WDR11: variants seen among roughly 807,000 people sequenced by gnomAD.
WDR11 encodes WD repeat domain 11, also known as WD repeat-containing protein 11.
In WDR11, 83 loss-of-function variants were observed where a neutral mutation model predicts 151.2. The ratio of observed to expected loss-of-function variants is 0.55; its 90% CI spans 0.46 to 0.66. The LOEUF (loss-of-function observed/expected upper bound fraction) is 0.66, where lower values mean the gene tolerates loss of function less well. Ranked by LOEUF, WDR11 falls within the 30% of genes least tolerant of loss-of-function variation. The probability of loss-of-function intolerance (pLI) is 0.00; values close to 1 mark genes in which losing one functional copy is unlikely to be tolerated. For missense variants in WDR11, 1,301 were observed against 1,480.9 expected (o/e 0.88, Z 1.99); for synonymous variants, 484 against 533.1 (o/e 0.91, Z 1.27).
At chr10:120,871,617 C>G (rs1846546537) in intron 10 of WDR11, among the ~76,000 whole-genome samples, 1 of 152,154 alleles carries the variant, frequency 6.6e-6, no homozygotes, top group Admixed American at 6.5e-5. Context: ...CTCGGAAATA[C>G]CAGGAGGCTC....
intron 28 of WDR11, 110 bp from the exon 29 acceptor site, chr10:120,908,446 C>T: frequency 2.5e-6 from 3 of 1,194,096 alleles, no homozygotes; most frequent in Non-Finnish European, 3.7e-6. Flanking sequence ...CACCAGGTCC[C>T]TTCCGAGCAG....
In WDR11 at chr10:120,858,693, C is replaced by T. The variant is rs778348520; in HGVS notation, c.249C>T (p.Cys83=). The T allele has an allele frequency of 1.9e-6, 3 of 1,614,188 alleles. No homozygotes were observed. The highest frequency in any genetic ancestry group is 1.7e-6 in the Non-Finnish European group (2 of 1,180,028). The change falls in exon 3 of 29, where the codon TGC becomes TGT. Residue 83 remains cysteine (C), a synonymous_variant. Transcript: ENST00000263461. ...ACCATAACATTGGCTCACCATATTGCTTACGGTTAGCTTCTGCTGATGTCA... is the reference window on the plus strand; with the variant it reads ...ACCATAACATTGGCTCACCATATTGTTTACGGTTAGCTTCTGCTGATGTCA... ...NYHHNIGSPY[C]LRLASADVNG...
chr10:120,898,121 T>C (rs1847679982), intron 19 of WDR11, among the ~76,000 whole-genome samples: 1 of 152,210 alleles, frequency 6.6e-6, no homozygotes, highest in Non-Finnish European at 1.5e-5. Flanking sequence ...AATTAAAATT[T>C]TATTTAAGCC....
chr10:120,892,518 C>A (rs1401726002), intron 19 of WDR11, among the ~76,000 whole-genome samples: 1 of 152,072 alleles, frequency 6.6e-6, no homozygotes, highest in Non-Finnish European at 1.5e-5. Flanking sequence ...AGATTCATGG[C>A]CGATTTGGTC....
At chr10:120,895,202 T>G (rs1847568288) in intron 19 of WDR11, among the ~76,000 whole-genome samples, 1 of 151,792 alleles carries the variant, frequency 6.6e-6, no homozygotes, top group South Asian at 2.1e-4. Context: ...TTATGTATAG[T>G]TAATTTTTTT....
At chr10:120,901,183 AAG>A in intron 21 of WDR11, 85 bp downstream of exon 21, 1 of 1,244,336 alleles carries the variant, frequency 8.0e-7, no homozygotes, top group Non-Finnish European at 1.2e-6. Context: ...AAATTAAAAT[AAG>A]TTACGTTTTA....
At chr10:120,906,378 C>T (rs1848046255) in intron 27 of WDR11, 3 of 1,246,920 alleles carry the variant, frequency 2.4e-6, no homozygotes, top group South Asian at 3.4e-5. Context: ...GAGGTGGAGA[C>T]ATCCCGTCTG....
chr10:120,878,254 A>C (rs1295596424), intron 11 of WDR11, 99 bp from the exon 12 acceptor site: 1 of 870,224 alleles, frequency 1.1e-6, no homozygotes, highest in South Asian at 1.6e-5. Flanking sequence ...TAATTTGTGT[A>C]ATAAAATTTA....
chr10:120,878,552 A>T (rs1554855722), intron 12 of WDR11, 93 bp downstream of exon 12: 5 of 980,178 alleles, frequency 5.1e-6, no homozygotes, highest in African/African-American at 1.6e-5. Flanking sequence ...TCACCTTGGA[A>T]TTTTTTTTTA....
At chr10:120,887,936 T>G (rs980841638) in intron 16 of WDR11, among the ~76,000 whole-genome samples, 9 of 151,654 alleles carry the variant, frequency 5.9e-5, no homozygotes, top group Non-Finnish European at 1.0e-4. Flanking sequence ...TTCTTTAATA[T>G]TTTTTTTTAT....
chr10:120,858,897 A>G (rs780042827), intron 3 of WDR11, 101 bp downstream of exon 3: 10 of 1,425,528 alleles, frequency 7.0e-6, no homozygotes, highest in Non-Finnish European at 9.7e-6. Context: ...AATTTTATCA[A>G]TTCCAAGTTA....
intron 28 of WDR11, chr10:120,908,153 T>C (rs1848139046): frequency 8.2e-6 from 2 of 244,680 alleles, no homozygotes; most frequent in South Asian, 1.2e-4. Context: ...ATAGGGAACA[T>C]TCAGAAATAA....
intron 10 of WDR11, among the ~76,000 whole-genome samples, chr10:120,873,155 G>A (rs1393974340): frequency 6.6e-6 from 1 of 152,164 alleles, no homozygotes; most frequent in African/African-American, 2.4e-5. Context: ...AATACTAATA[G>A]TTAACCAAGT....
chr10:120,907,860 T>C (rs1848123915), intron 28 of WDR11: 1 of 150,550 alleles, frequency 6.6e-6, no homozygotes, highest in Non-Finnish European at 1.5e-5. Flanking sequence ...CCCAGGCTGG[T>C]CTTGAACTCC....
intron 22 of WDR11, 138 bp from the exon 23 acceptor site, chr10:120,902,917 C>CT: frequency 1.1e-6 from 1 of 909,780 alleles, no homozygotes; most frequent in Non-Finnish European, 1.7e-6. Context: ...CTGCCTCCCC[C>CT]TTTCACCCTG....
chr10:120,883,645 C>T, intron 13 of WDR11, 135 bp from the exon 14 acceptor site: 1 of 713,880 alleles, frequency 1.4e-6, no homozygotes, highest in Admixed American at 2.1e-5. Context: ...AATCATGGTG[C>T]TAAATGGTAG....
intron 24 of WDR11, among the ~76,000 whole-genome samples, chr10:120,904,443 C>T (rs1847956324): frequency 6.6e-6 from 1 of 152,084 alleles, no homozygotes; most frequent in Non-Finnish European, 1.5e-5. Context: ...TACTCGAGCA[C>T]CTAGATACAC....
intron 13 of WDR11, 85 bp downstream of exon 13, chr10:120,880,986 T>C: frequency 8.4e-7 from 1 of 1,188,240 alleles, no homozygotes; most frequent in Non-Finnish European, 1.2e-6. Flanking sequence ...AATGGGAATG[T>C]GCTGGAATGC....
chr10:120,899,354 G>A (rs960349000), intron 19 of WDR11, among the ~76,000 whole-genome samples: 5 of 152,086 alleles, frequency 3.3e-5, no homozygotes, highest in Admixed American at 1.3e-4. Context: ...AAAAACAAAA[G>A]TACATACAGG....
Sources: allele counts gnomAD v4.1 joint callset (sites outside exome capture counted in the v4.1 genomes callset), GRCh38; gene constraint gnomAD v4.1.1; transcripts MANE v1.5; gene names NCBI Gene and HGNC (gene_info 2026-07-23, HGNC 2026-07-21).